GRM1: variants seen among roughly 807,000 people sequenced by gnomAD.
GRM1 encodes metabotropic glutamate receptor 1.
A neutral mutation model predicts 90.9 loss-of-function variants in GRM1; 33 were observed. The observed-to-expected ratio is 0.36, with a 90% CI of 0.28 to 0.49. The LOEUF (loss-of-function observed/expected upper bound fraction) is 0.49, where lower values mean the gene tolerates loss of function less well. GRM1 is among the 20% of genes least tolerant of loss of function. The pLI is 0.99. For missense variants in GRM1, 1,190 were observed against 1,534.3 expected, an observed-to-expected ratio of 0.78 and a Z score of 3.75; for synonymous variants, 700 against 613.2, an observed-to-expected ratio of 1.14 and a Z score of -2.09.
chr6:146,224,630 A>T (rs555049167), intron 2 of GRM1, among the ~76,000 whole-genome samples: 7 of 152,176 alleles, frequency 4.6e-5, no homozygotes, highest in African/African-American at 1.2e-4. Flanking sequence ...GTTTCGTAAC[A>T]TGTCCAGTCC....
intron 3 of GRM1, among the ~76,000 whole-genome samples, chr6:146,313,507 A>G (rs571976285): frequency 1.3e-5 from 2 of 152,276 alleles, no homozygotes; most frequent in Non-Finnish European, 2.9e-5. Flanking sequence ...CATGTCGTCT[A>G]AAAGTGTCGC....
chr6:146,357,771 C>T, intron 5 of GRM1, 77 bp downstream of exon 5: 2 of 1,154,720 alleles, frequency 1.7e-6, no homozygotes, highest in East Asian at 2.4e-5. Flanking sequence ...ACAACACAGA[C>T]AATTTTAAAA....
At chr6:146,312,578 C>T (rs961386247) in intron 3 of GRM1, among the ~76,000 whole-genome samples, 1 of 152,076 alleles carries the variant, frequency 6.6e-6, no homozygotes, top group Non-Finnish European at 1.5e-5. Flanking sequence ...ATTCTTCTGA[C>T]ATTTTCTGTA....
chr6:146,363,683 A>T (rs1048728854), intron 5 of GRM1, among the ~76,000 whole-genome samples: 2 of 152,240 alleles, frequency 1.3e-5, no homozygotes, highest in African/African-American at 4.8e-5. Context: ...ACAGCTACAT[A>T]AAATAGGTGT....
chr6:146,264,904 T>C lies in GRM1; in HGVS notation c.951-39707T>C, dbSNP rs141656139. Among the ~76,000 whole-genome samples, 123 of 152,330 alleles carry C rather than the reference T, an allele frequency of 8.1e-4. 1 individual carries two copies. The highest frequency in any genetic ancestry group is 2.9e-3 in the African/African-American group (119 of 41,584). Reference sequence around the variant, plus strand: ...TGGCTGCATAATATTCCATGGTATATACATCCCTCATTTTCTTTATTCAGG... The same window carrying C: ...TGGCTGCATAATATTCCATGGTATACACATCCCTCATTTTCTTTATTCAGG... On this transcript the variant is annotated intron_variant, in intron 2 of 7. Transcript: ENST00000282753.
intron 1 of GRM1, among the ~76,000 whole-genome samples, chr6:146,088,900 G>C (rs1776629706): frequency 6.6e-6 from 1 of 152,042 alleles, no homozygotes; most frequent in Non-Finnish European, 1.5e-5. Flanking sequence ...ATCAATATAA[G>C]TATAAACACA....
intron 4 of GRM1, among the ~76,000 whole-genome samples, chr6:146,356,676 G>A (rs747939807): frequency 1.6e-4 from 24 of 152,180 alleles, no homozygotes; most frequent in Non-Finnish European, 4.4e-5. Context: ...GGCTTAAAGA[G>A]TTTAGTGGCA....
At chr6:146,329,831 A>T (rs1784525278) in intron 3 of GRM1, among the ~76,000 whole-genome samples, 1 of 152,200 alleles carries the variant, frequency 6.6e-6, no homozygotes, top group Non-Finnish European at 1.5e-5. Flanking sequence ...ATTTGAGAAT[A>T]AAGTGCTGAA....
At chr6:146,331,947 G>A (rs1189651083) in intron 3 of GRM1, among the ~76,000 whole-genome samples, 2 of 152,078 alleles carry the variant, frequency 1.3e-5, no homozygotes, top group East Asian at 1.9e-4. Flanking sequence ...TTGGGAATCC[G>A]AAAGAATCAC....
At chr6:146,077,528 A>G (rs970641856) in intron 1 of GRM1, among the ~76,000 whole-genome samples, 2 of 152,220 alleles carry the variant, frequency 1.3e-5, no homozygotes, top group Non-Finnish European at 2.9e-5. Context: ...GTGGTGTGGT[A>G]GAACAAGCAC....
intron 1 of GRM1, among the ~76,000 whole-genome samples, chr6:146,129,617 C>G (rs1330874440): frequency 6.6e-6 from 1 of 152,156 alleles, no homozygotes; most frequent in Admixed American, 6.5e-5. Context: ...AGGCTGAGTT[C>G]TTAGTGAAGC....
At chr6:146,392,477 A>G (rs1459624575) in intron 6 of GRM1, among the ~76,000 whole-genome samples, 2 of 152,152 alleles carry the variant, frequency 1.3e-5, no homozygotes, top group Non-Finnish European at 2.9e-5. Flanking sequence ...AACTCATGCA[A>G]TCTTTGCATA....
chr6:146,394,501 T>C (rs1205207236), intron 6 of GRM1, among the ~76,000 whole-genome samples: 3 of 152,116 alleles, frequency 2.0e-5, no homozygotes, highest in African/African-American at 7.2e-5. Flanking sequence ...GGTCTTTGGG[T>C]CAGCAGTTAA....
chr6:146,097,925 C>T (rs1444634529), intron 1 of GRM1, among the ~76,000 whole-genome samples: 1 of 152,212 alleles, frequency 6.6e-6, no homozygotes, highest in Admixed American at 6.5e-5. Flanking sequence ...TCATATTGAT[C>T]TACTGAACTT....
At chr6:146,285,503 G>C (rs1463818689) in intron 2 of GRM1, among the ~76,000 whole-genome samples, 4 of 152,076 alleles carry the variant, frequency 2.6e-5, no homozygotes, top group Admixed American at 6.6e-5. Flanking sequence ...TTTCCTCACA[G>C]AGTATTTTTT....
chr6:146,356,511 C>T (rs957891299), intron 4 of GRM1, among the ~76,000 whole-genome samples: 1 of 152,144 alleles, frequency 6.6e-6, no homozygotes. Flanking sequence ...AAGGCCCTTC[C>T]TCCTAATACC....
intron 3 of GRM1, among the ~76,000 whole-genome samples, chr6:146,306,568 T>A (rs989789896): frequency 1.3e-5 from 2 of 152,234 alleles, no homozygotes; most frequent in African/African-American, 4.8e-5. Flanking sequence ...ACTTGCTTCA[T>A]AGAACCCTAT....
intron 1 of GRM1, among the ~76,000 whole-genome samples, chr6:146,138,998 A>C (rs1166109799): frequency 6.6e-6 from 1 of 151,678 alleles, no homozygotes; most frequent in Non-Finnish European, 1.5e-5. Context: ...CTTTTGTTGT[A>C]TCCCATAGGT....
intron 1 of GRM1, among the ~76,000 whole-genome samples, chr6:146,113,017 T>C (rs1775618229): frequency 6.6e-6 from 1 of 152,240 alleles, no homozygotes; most frequent in Admixed American, 6.5e-5. Flanking sequence ...TCCTCTTAAG[T>C]CTTCAAGCTC....
Sources: gnomAD v4.1 joint callset for allele counts (sites outside exome capture counted in the v4.1 genomes callset) on GRCh38, gnomAD v4.1.1 for gene constraint, MANE v1.5 for transcripts, NCBI Gene and HGNC (gene_info 2026-07-23, HGNC 2026-07-21) for gene names.